Variants in RFX7 observed in about 807,000 individuals in gnomAD.
The protein encoded by RFX7 is DNA-binding protein RFX7.
In RFX7, 26 loss-of-function variants were observed where a neutral mutation model predicts 111.8. The observed-to-expected ratio is 0.23, with a 90% CI of 0.17 to 0.32. The LOEUF is 0.32. Among genes scored for constraint, RFX7 ranks in the 10% least tolerant of loss-of-function variants. The pLI is 1.00. For synonymous variants in RFX7, 624 were observed against 624.4 expected, an observed-to-expected ratio of 1.00 and a Z score of 0.01; for missense variants, 1,573 against 1,772.9, an observed-to-expected ratio of 0.89 and a Z score of 2.02.
intron 2 of RFX7, chr15:56,193,083 T>C: frequency 4.0e-6 from 1 of 250,062 alleles, no homozygotes; most frequent in Non-Finnish European, 8.6e-6. Context: ...CTTTTCTCAA[T>C]TCCCTCTTTA....
intron 2 of RFX7, among the ~76,000 whole-genome samples, chr15:56,197,559 C>T (rs1293663232): frequency 6.6e-6 from 1 of 151,908 alleles, no homozygotes; most frequent in South Asian, 2.1e-4. Context: ...GTGGGCCATC[C>T]CTTCCCTTGC....
At chr15:56,193,149 C>A in intron 2 of RFX7, 1 of 226,110 alleles carries the variant, frequency 4.4e-6, no homozygotes. Context: ...TGGCCGGTCA[C>A]TGCAGCAACC....
intron 9 of RFX7, 131 bp from the exon 10 acceptor site, chr15:56,096,751 A>G (rs2041684796): frequency 4.2e-6 from 4 of 961,986 alleles, no homozygotes; most frequent in South Asian, 2.0e-5. Flanking sequence ...ATGTTAGAAG[A>G]GAGTTCTTCT....
At chr15:56,118,438 TATG>T (rs1209919729) in intron 5 of RFX7, among the ~76,000 whole-genome samples, 1 of 152,208 alleles carries the variant, frequency 6.6e-6, no homozygotes, top group Non-Finnish European at 1.5e-5. Context: ...AGTGAGAACA[TATG>T]ATGTTTGTGT....
intron 3 of RFX7, among the ~76,000 whole-genome samples, chr15:56,147,728 C>T (rs562138088): frequency 6.6e-6 from 1 of 152,228 alleles, no homozygotes; most frequent in Admixed American, 6.5e-5. Context: ...CACCCGCCAC[C>T]AGGCCCAGCC....
intron 2 of RFX7, among the ~76,000 whole-genome samples, chr15:56,189,350 AC>A (rs1216492594): frequency 6.6e-6 from 1 of 152,118 alleles, no homozygotes; most frequent in Non-Finnish European, 1.5e-5. Context: ...ACTGCAATTC[AC>A]CCAGGACAAC....
At chr15:56,214,491 G>A (rs898280108) in intron 2 of RFX7, among the ~76,000 whole-genome samples, 50 of 152,026 alleles carry the variant, frequency 3.3e-4, no homozygotes, top group African/African-American at 1.1e-3. Context: ...CGAGGTGGGC[G>A]GATCACGAGG....
chr15:56,218,219 T>A (rs75642326), intron 2 of RFX7, among the ~76,000 whole-genome samples: 18,485 of 135,386 alleles, frequency 0.14, 1,535 homozygotes, highest in East Asian at 0.45. Context: ...CAATGGCGCG[T>A]TCTCGGCTCA....
chr15:56,207,373 GTGAC>G (rs1281733811), intron 2 of RFX7, among the ~76,000 whole-genome samples: 1 of 152,138 alleles, frequency 6.6e-6, no homozygotes, highest in East Asian at 1.9e-4. Flanking sequence ...TACAATCAAT[GTGAC>G]TGTACTTAAT....
intron 3 of RFX7, among the ~76,000 whole-genome samples, chr15:56,147,279 G>C (rs978825274): frequency 6.6e-6 from 1 of 152,122 alleles, no homozygotes; most frequent in East Asian, 1.9e-4. Flanking sequence ...ATGGAGTACT[G>C]ATACATGCTA....
chr15:56,142,975 C>A (rs935103021), intron 4 of RFX7, 75 bp from the exon 5 acceptor site: 13 of 1,515,244 alleles, frequency 8.6e-6, no homozygotes, highest in Admixed American at 5.4e-5. Context: ...CCTAAATGTT[C>A]CACTAAAGAA....
chr15:56,182,983 C>T (rs1017893287), intron 2 of RFX7, among the ~76,000 whole-genome samples: 4 of 152,014 alleles, frequency 2.6e-5, no homozygotes, highest in African/African-American at 9.7e-5. Context: ...TTTCTTATTA[C>T]CTTGCATATA....
chr15:56,182,312 G>T (rs1476299863), intron 2 of RFX7, among the ~76,000 whole-genome samples: 1 of 151,942 alleles, frequency 6.6e-6, no homozygotes, highest in Non-Finnish European at 1.5e-5. Flanking sequence ...GAGTTATAAA[G>T]AAAATTGAAA....
chr15:56,124,161 G>A (rs1005765763), intron 5 of RFX7, among the ~76,000 whole-genome samples: 2 of 152,122 alleles, frequency 1.3e-5, no homozygotes, highest in African/African-American at 2.4e-5. Context: ...AGTGGCTCAC[G>A]CCTGTAAGCC....
chr15:56,129,659 G>A (rs1197214339), intron 5 of RFX7, among the ~76,000 whole-genome samples: 2 of 152,096 alleles, frequency 1.3e-5, no homozygotes, highest in African/African-American at 4.8e-5. Context: ...CAAAGCAGTC[G>A]CCCAGGGTAG....
rs752663884 is a variant in RFX7 at position 56,096,137 on chromosome 15, C to T, written c.1591G>A (p.Gly531Arg). Residue 531 changes from glycine to arginine, a missense_variant, in exon 10 of 10, where the codon GGA becomes AGA. Around this residue, in one of 7 missense-constraint regions of RFX7, gnomAD observed 625 missense variants for 632.2 expected, o/e 0.99. Coordinates refer to ENST00000559447, the MANE Select transcript of RFX7 (RefSeq NM_022841.7). ...SPGSRSSSAG[G>R]TSAVEVKVEP... is the part of the protein sequence containing the mutation. The stretch of plus-strand genomic sequence containing the variant: ...ACTTTGACTTCCACAGCAGATGTTC[C>T]CCCCGCACTGCTGCTCCTGGACCCA... 3 of 1,613,760 alleles carry T rather than the reference C, an allele frequency of 1.9e-6. No homozygotes were observed. The highest frequency in any genetic ancestry group is 1.6e-4 in the Middle Eastern group (1 of 6,062).
intron 5 of RFX7, among the ~76,000 whole-genome samples, chr15:56,133,611 G>A (rs1295690521): frequency 3.3e-5 from 5 of 152,050 alleles, no homozygotes; most frequent in African/African-American, 4.8e-5. Flanking sequence ...CCTAATGATT[G>A]TGTGTCTAAC....
Position 56,094,324 on chromosome 15 carries a change from T to C in RFX7, c.3404A>G (p.Asn1135Ser), listed in dbSNP as rs1260220353. The change falls in exon 10 of 10, where the codon AAT (asparagine) becomes AGT (serine). Residue 1135 changes from asparagine to serine, a missense_variant. Physicochemically the swap from Asn to Ser is conservative, Grantham distance 46. Transcript: ENST00000559447. ...AAAACCCTCCTGTTTGTTGGTGTTA[T>C]TTACAGTGGCACCTTGATGCTGCAC... is the stretch of plus-strand genomic sequence containing the variant. ...SPVQHQGATV[N>S]NTNKQEGFAV... 1.2e-6 allele frequency: 2 copies of C among 1,613,836 alleles called. No individual in the cohort carries two copies. Among genetic ancestry groups the C allele is most frequent in the African/African-American group, 2.7e-5 (2 of 74,900 alleles).
intron 8 of RFX7, among the ~76,000 whole-genome samples, chr15:56,100,250 G>A (rs2041734756): frequency 6.6e-6 from 1 of 152,152 alleles, no homozygotes; most frequent in African/African-American, 2.4e-5. Flanking sequence ...AATTAAATGA[G>A]GTAACATAAG....
Sources: allele counts gnomAD v4.1 joint callset (sites outside exome capture counted in the v4.1 genomes callset), GRCh38; gene constraint gnomAD v4.1.1; regional missense constraint gnomAD v4.1.1; transcripts MANE v1.5; gene names NCBI Gene and HGNC (gene_info 2026-07-23, HGNC 2026-07-21).